The following MITF variants were observed in gnomAD, a reference collection of about 807,000 sequenced individuals.
MITF encodes microphthalmia-associated transcription factor.
MITF carries 17 observed loss-of-function variants against 60.5 expected under a neutral mutation model. That is an observed-to-expected ratio of 0.28 (90% CI 0.19 to 0.42). The LOEUF (loss-of-function observed/expected upper bound fraction) is 0.42, where lower values mean the gene tolerates loss of function less well. Ranked by LOEUF, MITF falls within the 10% of genes least tolerant of loss-of-function variation. The pLI is 1.00. For missense variants in MITF, 622 were observed against 683.5 expected (o/e 0.91, Z 1.00); for synonymous variants, 260 against 248.5 (o/e 1.05, Z -0.43).
chr3:69,853,273 G>A (rs2063856534), intron 1 of MITF, among the ~76,000 whole-genome samples: 1 of 152,106 alleles, frequency 6.6e-6, no homozygotes, highest in Non-Finnish European at 1.5e-5. Flanking sequence ...GTTCGGTAGA[G>A]GGTTAAGGGG....
At chr3:69,884,891 A>T (rs2064574425) in intron 2 of MITF, among the ~76,000 whole-genome samples, 2 of 152,158 alleles carry the variant, frequency 1.3e-5, no homozygotes, top group Non-Finnish European at 2.9e-5. Context: ...CAACTATCTG[A>T]AACAAAATAT....
At chr3:69,762,498 A>C (rs770275647) in intron 1 of MITF, among the ~76,000 whole-genome samples, 3 of 152,232 alleles carry the variant, frequency 2.0e-5, no homozygotes, top group Non-Finnish European at 4.4e-5. Flanking sequence ...TATTATCGAC[A>C]GGGACTCCTG....
chr3:69,755,767 C>T (rs1418463703), intron 1 of MITF, among the ~76,000 whole-genome samples: 1 of 152,060 alleles, frequency 6.6e-6, no homozygotes, highest in Non-Finnish European at 1.5e-5. Context: ...CAACTGGGTG[C>T]CTACCTCATT....
chr3:69,784,888 G>T (rs1205328064), intron 1 of MITF, among the ~76,000 whole-genome samples: 1 of 152,144 alleles, frequency 6.6e-6, no homozygotes. Flanking sequence ...CAGATCCAAG[G>T]TTTGTGTTTC....
intron 1 of MITF, among the ~76,000 whole-genome samples, chr3:69,874,860 A>G (rs908666261): frequency 6.6e-6 from 1 of 152,220 alleles, no homozygotes; most frequent in Non-Finnish European, 1.5e-5. Flanking sequence ...AGAATAAAGT[A>G]TTGGGATTTA....
rs765337031 is a variant in MITF, at chr3:69,967,413, G to A, written c.*2165G>A. On this transcript the variant is annotated 3_prime_UTR_variant, in exon 10 of 10. Coordinates refer to ENST00000352241, the MANE Select transcript of MITF (RefSeq NM_001354604.2). ...TTCATATTTATATGGGGGGGAGGGC[G>A]CTGGATGCAAAAGTTGAAGATCGTG... The A allele has an allele frequency of 2.1e-5, 5 of 232,744 alleles. No individual in the cohort carries two copies. The highest frequency in any genetic ancestry group is 6.6e-5 in the African/African-American group (3 of 45,212). The allele number at this position is 232,744 out of a possible 1,614,324, so 14.4% of individuals were successfully genotyped here. A position where few individuals can be genotyped will look rare whatever the true frequency, so the allele number is the denominator to read the frequency against.
intron 2 of MITF, among the ~76,000 whole-genome samples, chr3:69,914,078 A>G (rs1348105732): frequency 6.6e-6 from 1 of 152,136 alleles, no homozygotes. Flanking sequence ...TCACACACAC[A>G]TAGTTCATAT....
intron 1 of MITF, among the ~76,000 whole-genome samples, chr3:69,839,763 AG>A (rs1272461040): frequency 2.6e-5 from 4 of 152,038 alleles, no homozygotes; most frequent in Non-Finnish European, 5.9e-5. Context: ...AAAAAAAAAA[AG>A]TAAGGGAATT....
chr3:69,924,325 G>A lies in MITF; in HGVS notation c.355-13497G>A, dbSNP rs145867747. 8.7e-3 allele frequency among the ~76,000 whole-genome samples: 1,324 copies of A among 152,302 alleles called. 10 individuals are homozygous for A. Among genetic ancestry groups the A allele is most frequent in the South Asian group, 0.031 (150 of 4,822 alleles). On this transcript the variant is annotated intron_variant, in intron 2 of 9. Coordinates refer to ENST00000352241, the MANE Select transcript of MITF (RefSeq NM_001354604.2). Reference sequence around the variant, plus strand: ...AAGTCAGATCTCTTAGAAGAAAATTGCTGGTGAAGGTCCAGAATAGCAAGC... The same window carrying A: ...AAGTCAGATCTCTTAGAAGAAAATTACTGGTGAAGGTCCAGAATAGCAAGC...
intron 1 of MITF, among the ~76,000 whole-genome samples, chr3:69,745,765 C>G (rs1559605207): frequency 6.6e-6 from 1 of 152,124 alleles, no homozygotes. Context: ...TGCCACTTAA[C>G]CAGTACATCT....
intron 1 of MITF, among the ~76,000 whole-genome samples, chr3:69,831,405 G>A (rs2063445906): frequency 6.6e-6 from 1 of 152,106 alleles, no homozygotes. Flanking sequence ...TTCTCCCCTT[G>A]CCATGCAAAG....
intron 1 of MITF, among the ~76,000 whole-genome samples, chr3:69,860,365 G>C (rs947127842): frequency 2.6e-5 from 4 of 152,184 alleles, no homozygotes; most frequent in Non-Finnish European, 4.4e-5. Context: ...CCAGCACTTT[G>C]GGAGGCCGAG....
At chr3:69,756,628 A>G (rs1053727668) in intron 1 of MITF, among the ~76,000 whole-genome samples, 2 of 152,226 alleles carry the variant, frequency 1.3e-5, no homozygotes, top group African/African-American at 4.8e-5. Flanking sequence ...AGAATGATTT[A>G]TAATCCTTTG....
At chr3:69,874,760 T>C (rs1201723032) in intron 1 of MITF, among the ~76,000 whole-genome samples, 1 of 152,194 alleles carries the variant, frequency 6.6e-6, no homozygotes, top group Non-Finnish European at 1.5e-5. Context: ...TGGCATCATG[T>C]CAAAGGTGAG....
intron 1 of MITF, among the ~76,000 whole-genome samples, chr3:69,777,404 T>A (rs1296126182): frequency 6.6e-6 from 1 of 152,228 alleles, no homozygotes; most frequent in Non-Finnish European, 1.5e-5. Context: ...TATTTAAACC[T>A]GTGTGTTGTT....
chr3:69,965,756 C>T lies in MITF; in HGVS notation c.*508C>T, dbSNP rs1016604882. 1.3e-5 allele frequency: 3 copies of T among 233,918 alleles called. No individual in the cohort carries two copies. The highest frequency in any genetic ancestry group is 6.6e-5 in the African/African-American group (3 of 45,150). The allele number at this position is 233,918 out of a possible 1,614,324, so 14.5% of individuals were successfully genotyped here. A position where few individuals can be genotyped will look rare whatever the true frequency, so the allele number is the denominator to read the frequency against. On this transcript the variant is annotated 3_prime_UTR_variant, in exon 10 of 10. Coordinates refer to ENST00000352241, the MANE Select transcript of MITF (RefSeq NM_001354604.2). ...ACTGCCTTAAAGATACAGTACCCCT[C>T]TAGCTTTGTTTAGTCTTTATACTGC...
chr3:69,963,970 CTTTTTTT>C (rs56921812), intron 9 of MITF, among the ~76,000 whole-genome samples: 102 of 86,110 alleles, frequency 1.2e-3, no homozygotes, highest in African/African-American at 3.5e-3. Context: ...TTTTTCTTTT[CTTTTTTT>C]TTTTTTTTTT....
chr3:69,889,764 C>T (rs1575892577), intron 2 of MITF, among the ~76,000 whole-genome samples: 1 of 152,038 alleles, frequency 6.6e-6, no homozygotes, highest in East Asian at 1.9e-4. Flanking sequence ...ATATACCTAA[C>T]TTGTTTCAAA....
At chr3:69,931,492 A>G (rs2065721816) in intron 2 of MITF, among the ~76,000 whole-genome samples, 1 of 152,218 alleles carries the variant, frequency 6.6e-6, no homozygotes, top group East Asian at 1.9e-4. Flanking sequence ...ACTGTTTTAT[A>G]GGTCATTAGC....
Sources: gnomAD v4.1 joint callset for allele counts (sites outside exome capture counted in the v4.1 genomes callset) on GRCh38, gnomAD v4.1.1 for gene constraint, MANE v1.5 for transcripts, NCBI Gene and HGNC (gene_info 2026-07-23, HGNC 2026-07-21) for gene names.